Variants in PRKD1 observed in about 807,000 individuals in gnomAD.
PRKD1 encodes protein kinase D1, also known as serine/threonine-protein kinase D1.
In PRKD1, 63 loss-of-function variants were observed where a neutral mutation model predicts 95.9. The ratio of observed to expected loss-of-function variants is 0.66; its 90% CI spans 0.54 to 0.81. The LOEUF (loss-of-function observed/expected upper bound fraction) is 0.81. PRKD1 is among the 30% of genes least tolerant of loss of function. PRKD1 has a pLI of 0.00. For missense variants in PRKD1, 1,048 were observed against 1,165.3 expected (o/e 0.90, Z 1.47); for synonymous variants, 425 against 423.1 (o/e 1.00, Z -0.05).
intron 11 of PRKD1, 71 bp downstream of exon 11, chr14:29,628,970 A>C (rs1198459340): frequency 1.8e-6 from 2 of 1,134,814 alleles, no homozygotes; most frequent in Non-Finnish European, 2.4e-6. Context: ...GAATTAAAAA[A>C]ACTATTTTAT....
In PRKD1 at chr14:29,753,577, C is replaced by T. The variant is rs566017558; in HGVS notation, c.265-27903G>A. Among the ~76,000 whole-genome samples the T allele has an allele frequency of 5.9e-5, 9 of 152,180 alleles. No homozygotes were observed. The South Asian group carries it at 6.2e-4, about 11-fold the overall frequency. On this transcript the variant is annotated intron_variant, in intron 1 of 17. Transcript: ENST00000331968. ...AATGGTGTCTATGCCTACTCTATTGCCTTTATTTTTCTCCTTTATTTCTAC... is the reference window on the plus strand; with the variant it reads ...AATGGTGTCTATGCCTACTCTATTGTCTTTATTTTTCTCCTTTATTTCTAC...
intron 1 of PRKD1, among the ~76,000 whole-genome samples, chr14:29,899,805 C>T (rs1170073991): frequency 6.6e-6 from 1 of 152,132 alleles, no homozygotes; most frequent in Non-Finnish European, 1.5e-5. Flanking sequence ...TTGGCTGTGT[C>T]CCCACTCAAA....
chr14:29,649,603 C>T (rs1413543235), intron 4 of PRKD1, among the ~76,000 whole-genome samples: 2 of 151,706 alleles, frequency 1.3e-5, no homozygotes, highest in Non-Finnish European at 2.9e-5. Context: ...AATGTCTAGA[C>T]TGTTTTTTGA....
rs143385613 is a variant in PRKD1, at chr14:29,693,469, T to C, written c.404-27261A>G. ...AGAAATCAATGCAAAAAAATAGCAGTGTAAACTATGAAAAATAAGTTGCTA... is the reference window on the plus strand; with the variant it reads ...AGAAATCAATGCAAAAAAATAGCAGCGTAAACTATGAAAAATAAGTTGCTA... On this transcript the variant is annotated intron_variant, in intron 2 of 17. Coordinates refer to ENST00000331968, the MANE Select transcript of PRKD1 (RefSeq NM_002742.3). Among the ~76,000 whole-genome samples, 19 of 152,106 alleles carry C rather than the reference T, an allele frequency of 1.2e-4. No individual in the cohort carries two copies. In the East Asian group the frequency reaches 3.5e-3, roughly 28 times the overall value.
At chr14:29,609,160 T>C (rs1177317297) in intron 13 of PRKD1, among the ~76,000 whole-genome samples, 2 of 152,184 alleles carry the variant, frequency 1.3e-5, no homozygotes, top group African/African-American at 2.4e-5. Flanking sequence ...CCACTGGAAC[T>C]AGAGTATAAT....
intron 2 of PRKD1, among the ~76,000 whole-genome samples, chr14:29,705,458 T>G (rs1594444853): frequency 2.7e-5 from 3 of 112,374 alleles, no homozygotes; most frequent in Non-Finnish European, 6.7e-5. Context: ...AGATTCTGTT[T>G]TTTTTTTTGT....
intron 1 of PRKD1, among the ~76,000 whole-genome samples, chr14:29,817,550 CTT>C (rs1206877882): frequency 6.6e-6 from 1 of 152,122 alleles, no homozygotes; most frequent in Non-Finnish European, 1.5e-5. Flanking sequence ...TTTTAAGTAT[CTT>C]TAAGTATTGA....
At chr14:29,880,803 A>C (rs1417874164) in intron 1 of PRKD1, among the ~76,000 whole-genome samples, 1 of 152,234 alleles carries the variant, frequency 6.6e-6, no homozygotes, top group Non-Finnish European at 1.5e-5. Flanking sequence ...CCTGGAGTCA[A>C]AGGAGATCAT....
intron 2 of PRKD1, among the ~76,000 whole-genome samples, chr14:29,711,333 T>C (rs1393431483): frequency 6.6e-6 from 1 of 152,128 alleles, no homozygotes; most frequent in Non-Finnish European, 1.5e-5. Flanking sequence ...AACCTAAGAA[T>C]ACATGGACTT....
intron 1 of PRKD1, among the ~76,000 whole-genome samples, chr14:29,841,065 C>T (rs1018110117): frequency 6.6e-6 from 1 of 152,206 alleles, no homozygotes; most frequent in South Asian, 2.1e-4. Flanking sequence ...TTGCATGGGG[C>T]CTGTGGCCCC....
chr14:29,633,393 T>C (rs1880157683), intron 8 of PRKD1, among the ~76,000 whole-genome samples: 4 of 152,232 alleles, frequency 2.6e-5, no homozygotes, highest in South Asian at 4.1e-4. Flanking sequence ...CTTGCTTCCA[T>C]TGGCAATGGG....
At chr14:29,917,852 G>GA (rs1018709994) in intron 1 of PRKD1, among the ~76,000 whole-genome samples, 2 of 152,010 alleles carry the variant, frequency 1.3e-5, no homozygotes, top group African/African-American at 4.8e-5. Context: ...TTGGACTGAT[G>GA]AAAAAAATGT....
intron 12 of PRKD1, among the ~76,000 whole-genome samples, chr14:29,625,502 G>A (rs758624826): frequency 2.0e-5 from 3 of 151,956 alleles, no homozygotes; most frequent in Admixed American, 1.3e-4. Context: ...ACCCCTATAC[G>A]ATGTGCATTA....
intron 1 of PRKD1, among the ~76,000 whole-genome samples, chr14:29,740,940 G>T (rs569235065): frequency 6.6e-6 from 1 of 152,138 alleles, no homozygotes; most frequent in African/African-American, 2.4e-5. Context: ...AAGAATGAGG[G>T]CATGTCTTTT....
chr14:29,777,450 T>C (rs551638385), intron 1 of PRKD1, among the ~76,000 whole-genome samples: 101 of 152,076 alleles, frequency 6.6e-4, no homozygotes, highest in African/African-American at 2.3e-3. Context: ...TGGAGGAAGA[T>C]CTACCAAGCA....
At chr14:29,653,887 G>A (rs1471817485) in intron 4 of PRKD1, among the ~76,000 whole-genome samples, 1 of 151,818 alleles carries the variant, frequency 6.6e-6, no homozygotes, top group Non-Finnish European at 1.5e-5. Flanking sequence ...TATATGAAAA[G>A]CCTTTATTCT....
At chr14:29,648,804 A>G (rs560874949) in intron 4 of PRKD1, among the ~76,000 whole-genome samples, 2 of 152,130 alleles carry the variant, frequency 1.3e-5, no homozygotes, top group Non-Finnish European at 2.9e-5. Flanking sequence ...ACAGGCACTC[A>G]CCACCATGCC....
intron 4 of PRKD1, among the ~76,000 whole-genome samples, chr14:29,654,051 A>G (rs542713369): frequency 1.3e-5 from 2 of 152,290 alleles, no homozygotes; most frequent in African/African-American, 4.8e-5. Context: ...AGTAGAGTTA[A>G]AAATGTAAAC....
In PRKD1 at chr14:29,733,571, C is replaced by T. The variant is rs922807575; in HGVS notation, c.265-7897G>A. On this transcript the variant is annotated intron_variant, in intron 1 of 17. Transcript: ENST00000331968. ...GGAGGCCTCAGGAAACTTACAATCA[C>T]GGTAAAGGTGAAGGGGAAGGCAAGA... is the stretch of plus-strand genomic sequence containing the variant. Among the ~76,000 whole-genome samples, 8 of 152,020 alleles carry T rather than the reference C, an allele frequency of 5.3e-5. No homozygotes were observed. The East Asian group carries it at 5.8e-4, about 11-fold the overall frequency.
Sources: allele counts gnomAD v4.1 joint callset (sites outside exome capture counted in the v4.1 genomes callset), GRCh38; gene constraint gnomAD v4.1.1; transcripts MANE v1.5; gene names NCBI Gene and HGNC (gene_info 2026-07-23, HGNC 2026-07-21).